Variants in SMARCC1 observed in about 807,000 individuals in gnomAD.
SMARCC1 encodes the protein SWI/SNF complex subunit SMARCC1.
SMARCC1 carries 43 observed loss-of-function variants against 147.4 expected under a neutral mutation model. That is an observed-to-expected ratio of 0.29 (90% CI 0.23 to 0.38). The LOEUF (loss-of-function observed/expected upper bound fraction) is 0.38, where lower values mean the gene tolerates loss of function less well. SMARCC1 is among the 10% of genes least tolerant of loss of function. SMARCC1 has a pLI of 1.00. For synonymous variants in SMARCC1, 495 were observed against 484.4 expected (o/e 1.02, Z -0.29); for missense variants, 1,119 against 1,381.1 (o/e 0.81, Z 3.01).
At chr3:47,604,270 G>T (rs2032432154) in intron 26 of SMARCC1, 1 of 456,598 alleles carries the variant, frequency 2.2e-6, no homozygotes, top group African/African-American at 2.0e-5. Flanking sequence ...CTTATACAGA[G>T]GCCAGAGAGA....
intron 26 of SMARCC1, among the ~76,000 whole-genome samples, chr3:47,591,791 T>C (rs1454325294): frequency 1.3e-5 from 2 of 152,168 alleles, no homozygotes; most frequent in Non-Finnish European, 2.9e-5. Flanking sequence ...GCAGTAAGAC[T>C]GCCTCAGCCT....
intron 2 of SMARCC1, among the ~76,000 whole-genome samples, chr3:47,748,473 C>T (rs1180659275): frequency 6.6e-6 from 1 of 152,148 alleles, no homozygotes; most frequent in Non-Finnish European, 1.5e-5. Flanking sequence ...ATCCGCCCAC[C>T]TTGGCCTCCC....
chr3:47,730,620 G>A (rs982465684), intron 5 of SMARCC1, among the ~76,000 whole-genome samples: 1 of 152,112 alleles, frequency 6.6e-6, no homozygotes, highest in Non-Finnish European at 1.5e-5. Flanking sequence ...AATCCCAGCA[G>A]TTTGGGAGGT....
intron 9 of SMARCC1, among the ~76,000 whole-genome samples, chr3:47,707,784 C>T (rs1023330110): frequency 8.6e-5 from 13 of 152,032 alleles, no homozygotes; most frequent in Admixed American, 7.9e-4. Flanking sequence ...AATACTGAGC[C>T]GGGAGGATAG....
At chr3:47,724,317 C>A (rs1042943680) in intron 6 of SMARCC1, among the ~76,000 whole-genome samples, 1 of 152,148 alleles carries the variant, frequency 6.6e-6, no homozygotes, top group African/African-American at 2.4e-5. Context: ...GGAATACAGG[C>A]ACATGCTATG....
chr3:47,721,964 G>C (rs1288005888), intron 6 of SMARCC1, among the ~76,000 whole-genome samples: 1 of 152,164 alleles, frequency 6.6e-6, no homozygotes, highest in African/African-American at 2.4e-5. Context: ...GCTGCAATGG[G>C]CTATTAATAA....
intron 24 of SMARCC1, among the ~76,000 whole-genome samples, chr3:47,627,553 T>C (rs774876247): frequency 1.3e-5 from 2 of 152,120 alleles, no homozygotes; most frequent in South Asian, 4.1e-4. Flanking sequence ...AGCTAAGAAA[T>C]GGCTTTGGGA....
rs112353284 is a variant in SMARCC1 at position 47,671,196 on chromosome 3, A to C, written c.1840-479T>G. ...CTCAAAAAAAAAAAAAAAAAAAAAAAAACACACACAAAAACCAAAACCAAA... is the reference window on the plus strand; with the variant it reads ...CTCAAAAAAAAAAAAAAAAAAAAAACAACACACACAAAAACCAAAACCAAA... On this transcript the variant is annotated intron_variant, in intron 18 of 27. Transcript: ENST00000254480. Among the ~76,000 whole-genome samples, 486 of 81,134 alleles carry C rather than the reference A, an allele frequency of 6.0e-3. 22 individuals carry two copies. The highest frequency in any genetic ancestry group is 0.018 in the Middle Eastern group (2 of 110). 53.2% of individuals were successfully genotyped at this position (81,134 alleles called of 152,430 possible).
rs569131883 is a variant in SMARCC1 at position 47,735,299 on chromosome 3, C to T, written c.576+735G>A. Among the ~76,000 whole-genome samples, 13 of 152,188 alleles carry T rather than the reference C, an allele frequency of 8.5e-5. No individual in the cohort carries two copies. The South Asian group carries it at 2.7e-3, about 32-fold the overall frequency. On this transcript the variant is annotated intron_variant, in intron 5 of 27. Coordinates refer to ENST00000254480, the MANE Select transcript of SMARCC1 (RefSeq NM_003074.4). ...TCCATAGCAATGACTTTATTAAATG[C>T]TACTCTAGGCTAAAAGCTAAAGATG...
At chr3:47,654,667 A>C (rs2033234931) in intron 21 of SMARCC1, among the ~76,000 whole-genome samples, 1 of 152,252 alleles carries the variant, frequency 6.6e-6, no homozygotes, top group Non-Finnish European at 1.5e-5. Flanking sequence ...TCTGTGTCGC[A>C]ACATGGCAGA....
At chr3:47,714,183 G>A (rs1307224371) in intron 8 of SMARCC1, among the ~76,000 whole-genome samples, 2 of 152,190 alleles carry the variant, frequency 1.3e-5, no homozygotes, top group East Asian at 1.9e-4. Flanking sequence ...GACCAATCCA[G>A]TAAAACTCCG....
chr3:47,706,506 C>G lies in SMARCC1; in HGVS notation c.943G>C (p.Asp315His). 6.3e-7 allele frequency: 1 copy of G among 1,582,186 alleles called. No homozygotes were observed. Among genetic ancestry groups the G allele is most frequent in the Non-Finnish European group, 8.6e-7 (1 of 1,167,618 alleles). ...CGAGCATTAGCTGATGCTTTTCTAT[C>G]TCTTCTTTCTGGACTTCTGACTGGC... Reference protein sequence around the residue: ...EEPVRSPERRDRKASANARKR... With the variant: ...EEPVRSPERRHRKASANARKR... Residue 315 changes from aspartate (D) to histidine (H), a missense_variant, in exon 10 of 28, where the codon GAT becomes CAT. Asp to His is a moderately conservative substitution (Grantham distance 81, BLOSUM62 -1). Around this residue, in one of 6 missense-constraint regions of SMARCC1, gnomAD observed 542 missense variants for 611.8 expected, o/e 0.89. Transcript: ENST00000254480.
intron 26 of SMARCC1, among the ~76,000 whole-genome samples, chr3:47,601,007 G>T (rs1422420303): frequency 1.2e-4 from 8 of 67,926 alleles, no homozygotes; most frequent in African/African-American, 3.6e-4. Context: ...ATGAGAGAGA[G>T]AGAGAGAGAG....
intron 2 of SMARCC1, among the ~76,000 whole-genome samples, chr3:47,749,771 C>T (rs1243311273): frequency 1.2e-5 from 1 of 86,606 alleles, no homozygotes; most frequent in African/African-American, 3.7e-5. Context: ...AGAGAGGTGG[C>T]GGGGAGAGGG....
At chr3:47,724,987 G>A (rs895559709) in intron 6 of SMARCC1, among the ~76,000 whole-genome samples, 5 of 116,662 alleles carry the variant, frequency 4.3e-5, no homozygotes, top group Admixed American at 3.8e-4. Flanking sequence ...AGCCACGATC[G>A]CACCACTGCA....
At position 47,602,545 on chromosome 3, in the gene SMARCC1, G is replaced by A. The variant is rs930877979; in HGVS notation, c.3043+7521C>T. 6.6e-5 allele frequency among the ~76,000 whole-genome samples: 10 copies of A among 152,058 alleles called. No individual in the cohort carries two copies. In the East Asian group the frequency reaches 1.9e-3, roughly 30 times the overall value. On this transcript the variant is annotated intron_variant, in intron 26 of 27. Transcript: ENST00000254480. ...ACTCCTGAGCTCAAGCAATCTGCCT[G>A]CCTTGGCCTCCCAAAGTGCTGGGAT...
chr3:47,700,580 A>G lies in SMARCC1; in HGVS notation c.1165+698T>C, dbSNP rs969129224. On this transcript the variant is annotated intron_variant, in intron 11 of 27. Coordinates refer to ENST00000254480, the MANE Select transcript of SMARCC1 (RefSeq NM_003074.4). ...GTCGCCCAGGCTGGAGTGCAGTGGT[A>G]TGATCTCAGCTCACTGCAACCTCCG... Among the ~76,000 whole-genome samples the G allele has an allele frequency of 6.6e-5, 10 of 152,124 alleles. No individual in the cohort carries two copies. The East Asian group carries it at 1.7e-3, about 26-fold the overall frequency.
At chr3:47,748,128 C>T (rs975827862) in intron 2 of SMARCC1, among the ~76,000 whole-genome samples, 12 of 151,924 alleles carry the variant, frequency 7.9e-5, no homozygotes, top group South Asian at 4.2e-4. Context: ...CCAGCCTGGG[C>T]GACACAGTGA....
At chr3:47,663,661 G>C (rs945009026) in intron 19 of SMARCC1, 1 of 1,503,172 alleles carries the variant, frequency 6.7e-7, no homozygotes, top group Non-Finnish European at 9.3e-7. Context: ...TTGAACCATC[G>C]AAGCCCCCAG....
Sources: gnomAD v4.1 joint callset for allele counts (sites outside exome capture counted in the v4.1 genomes callset) on GRCh38, gnomAD v4.1.1 for gene constraint, gnomAD v4.1.1 regional missense constraint, MANE v1.5 for transcripts, NCBI Gene and HGNC (gene_info 2026-07-23, HGNC 2026-07-21) for gene names.